NCOR1: variants seen among roughly 807,000 people sequenced by gnomAD.
The protein encoded by NCOR1 is nuclear receptor corepressor 1.
A neutral mutation model predicts 288.1 loss-of-function variants in NCOR1; 63 were observed. That is an observed-to-expected ratio of 0.22 (90% confidence interval 0.18 to 0.27). The LOEUF is 0.27. NCOR1 is among the 10% of genes least tolerant of loss of function. The pLI is 1.00. For synonymous variants in NCOR1, 1,007 were observed against 1,065.9 expected, an observed-to-expected ratio of 0.94 and a Z score of 1.08; for missense variants, 2,397 against 3,019.2, an observed-to-expected ratio of 0.79 and a Z score of 4.83.
intron 1 of NCOR1, among the ~76,000 whole-genome samples, chr17:16,205,086 G>C (rs1190487210): frequency 1.3e-5 from 2 of 152,050 alleles, no homozygotes; most frequent in Non-Finnish European, 2.9e-5. Flanking sequence ...CAGGCATGGT[G>C]GTGCAGGCCT....
At chr17:16,161,223 A>G (rs997236320) in intron 5 of NCOR1, among the ~76,000 whole-genome samples, 6 of 95,666 alleles carry the variant, frequency 6.3e-5, no homozygotes, top group African/African-American at 2.6e-4. Flanking sequence ...AAAAGCAAAC[A>G]CACACAGACA....
chr17:16,032,836 G>A (rs537858618), intron 45 of NCOR1, among the ~76,000 whole-genome samples: 46 of 152,206 alleles, frequency 3.0e-4, no homozygotes, highest in Non-Finnish European at 6.3e-4. Context: ...AACTCTTCAA[G>A]AGAAATGCAA....
At chr17:16,081,213 T>TA in intron 23 of NCOR1, among the ~76,000 whole-genome samples, 1 of 115,574 alleles carries the variant, frequency 8.7e-6, no homozygotes, top group South Asian at 2.6e-4. Flanking sequence ...GTTTTCTTTT[T>TA]GTTTTTTTTT....
chr17:16,044,822 C>T (rs2058389845), intron 42 of NCOR1: 2 of 1,082,200 alleles, frequency 1.8e-6, no homozygotes, highest in South Asian at 1.3e-5. Flanking sequence ...GGCTGGTGGA[C>T]CTGCTCCAGC....
chr17:16,062,314 A>C (rs1189961731), intron 35 of NCOR1, 44 bp from the exon 36 acceptor site: 11 of 1,532,154 alleles, frequency 7.2e-6, no homozygotes, highest in Non-Finnish European at 9.6e-6. Flanking sequence ...ATAAGGAGGA[A>C]GCCAGAGACA....
At chr17:16,090,942 G>A (rs925137925) in intron 22 of NCOR1, among the ~76,000 whole-genome samples, 1 of 152,158 alleles carries the variant, frequency 6.6e-6, no homozygotes, top group African/African-American at 2.4e-5. Context: ...GACTATTTCA[G>A]TATTCTGATA....
chr17:16,098,610 T>C (rs762796630), intron 20 of NCOR1, 114 bp from the exon 21 acceptor site: 22 of 827,656 alleles, frequency 2.7e-5, no homozygotes, highest in Non-Finnish European at 3.9e-5. Context: ...CATGGACACA[T>C]GGACACACAT....
At chr17:16,176,372 G>A (rs954539814) in intron 3 of NCOR1, among the ~76,000 whole-genome samples, 1 of 152,118 alleles carries the variant, frequency 6.6e-6, no homozygotes, top group Non-Finnish European at 1.5e-5. Context: ...GGGTTCAAGA[G>A]AGCCTCCTGC....
intron 3 of NCOR1, among the ~76,000 whole-genome samples, chr17:16,184,133 G>A (rs953616959): frequency 3.3e-5 from 5 of 152,152 alleles, no homozygotes; most frequent in Admixed American, 3.3e-4. Context: ...AGTCCTGCAA[G>A]AGAACGTAGG....
chr17:16,048,764 A>G, intron 41 of NCOR1, 81 bp downstream of exon 41: 1 of 1,403,604 alleles, frequency 7.1e-7, no homozygotes, highest in East Asian at 2.6e-5. Flanking sequence ...AGTTCTGAGA[A>G]AAACGGCAAC....
At chr17:16,071,168 C>G (rs750974226) in intron 30 of NCOR1, among the ~76,000 whole-genome samples, 3 of 151,462 alleles carry the variant, frequency 2.0e-5, no homozygotes, top group Non-Finnish European at 2.9e-5. Flanking sequence ...GTCCTAGCTA[C>G]TCGGGAGGCT....
intron 9 of NCOR1, 63 bp from the exon 10 acceptor site, chr17:16,146,611 T>A: frequency 7.4e-7 from 1 of 1,356,134 alleles, no homozygotes; most frequent in East Asian, 2.5e-5. Context: ...ACAAACCTAA[T>A]ACTTTAAAAT....
At chr17:16,052,192 CT>C (rs953498043) in intron 40 of NCOR1, among the ~76,000 whole-genome samples, 459 of 140,828 alleles carry the variant, frequency 3.3e-3, no homozygotes, top group Middle Eastern at 0.011. Flanking sequence ...TTTTGTATTT[CT>C]TTTTTTTTTT....
At chr17:16,115,497 T>G (rs1399563258) in intron 18 of NCOR1, among the ~76,000 whole-genome samples, 3 of 152,240 alleles carry the variant, frequency 2.0e-5, no homozygotes, top group Non-Finnish European at 4.4e-5. Context: ...CTCATAAAAC[T>G]GAATGCCTTT....
At chr17:16,079,580 T>C (rs1598307806) in intron 26 of NCOR1, among the ~76,000 whole-genome samples, 1 of 152,240 alleles carries the variant, frequency 6.6e-6, no homozygotes, top group Non-Finnish European at 1.5e-5. Context: ...GCCCACATAC[T>C]GAGATTCTAC....
At chr17:16,116,808 G>A (rs545141405) in intron 18 of NCOR1, among the ~76,000 whole-genome samples, 23 of 152,126 alleles carry the variant, frequency 1.5e-4, no homozygotes, top group African/African-American at 1.9e-4. Flanking sequence ...CTTTTACTGC[G>A]TCATCAAGGA....
At position 16,071,599 on chromosome 17, in the gene NCOR1, T is replaced by G. The variant is rs1429601969; in HGVS notation, c.3962A>C (p.Glu1321Ala). 6.2e-7 allele frequency: 1 copy of G among 1,614,134 alleles called. No homozygotes were observed. The highest frequency in any genetic ancestry group is 2.2e-5 in the East Asian group (1 of 44,886). Reference protein sequence around the residue: ...GLKYPKQIKRESPPIRAFEGA... With the variant: ...GLKYPKQIKRASPPIRAFEGA... Reference sequence around the variant, plus strand: ...TTCAAATGCTCGTATGGGAGGACTTTCCCTTTTAATTTGTTTGGGATATTT... The same window carrying G: ...TTCAAATGCTCGTATGGGAGGACTTGCCCTTTTAATTTGTTTGGGATATTT... Residue 1321 changes from glutamate (E) to alanine (A), a missense_variant, in exon 30 of 46, where the codon GAA (glutamate) becomes GCA (alanine). Glu to Ala is a moderately radical substitution (Grantham distance 107). Transcript: ENST00000268712.
At chr17:16,064,326 G>GC (rs1368000755) in intron 34 of NCOR1, 139 bp from the exon 35 acceptor site, 2 of 1,134,746 alleles carry the variant, frequency 1.8e-6, no homozygotes, top group Non-Finnish European at 2.5e-6. Flanking sequence ...TTGGCTGGGT[G>GC]CAGTGGCTGA....
chr17:16,057,211 C>T (rs537337763), intron 40 of NCOR1: 12 of 317,602 alleles, frequency 3.8e-5, no homozygotes, highest in African/African-American at 2.4e-4. Flanking sequence ...AGGTATTATT[C>T]GGAAGCACCA....
Sources: gnomAD v4.1 joint callset for allele counts (sites outside exome capture counted in the v4.1 genomes callset) on GRCh38, gnomAD v4.1.1 for gene constraint, MANE v1.5 for transcripts, NCBI Gene and HGNC (gene_info 2026-07-23, HGNC 2026-07-21) for gene names.